PRKCB: variants seen among roughly 807,000 people sequenced by gnomAD.
PRKCB encodes protein kinase C beta.
A neutral mutation model predicts 81.5 loss-of-function variants in PRKCB; 13 were observed. The observed-to-expected ratio is 0.16, with a 90% CI of 0.10 to 0.25. The LOEUF is 0.25. PRKCB is among the 10% of genes least tolerant of loss of function. PRKCB has a pLI of 1.00. For missense variants in PRKCB, 509 were observed against 875.7 expected (o/e 0.58, Z 5.29); for synonymous variants, 335 against 321.4 (o/e 1.04, Z -0.45).
intron 7 of PRKCB, among the ~76,000 whole-genome samples, chr16:24,100,491 A>G (rs74778980): frequency 0.027 from 4,071 of 152,246 alleles, 187 homozygotes; most frequent in African/African-American, 0.091. Flanking sequence ...CAGGGAGGCC[A>G]GGAACCTGCC....
Position 23,982,747 on chromosome 16 carries a change from C to A in PRKCB, c.206-5761C>A, listed in dbSNP as rs912008825. Among the ~76,000 whole-genome samples the A allele has an allele frequency of 3.9e-5, 6 of 152,124 alleles. No individual in the cohort carries two copies. In the South Asian group the frequency reaches 8.3e-4, roughly 21 times the overall value. On this transcript the variant is annotated intron_variant, in intron 2 of 16. Transcript: ENST00000643927. ...CTCAGCTGCAGGTGGCCTTTCTGAT[C>A]TTGCCTGTAATAAGGGAGGGTGGGA...
At chr16:24,142,440 A>G (rs1966914707) in intron 9 of PRKCB, among the ~76,000 whole-genome samples, 1 of 152,106 alleles carries the variant, frequency 6.6e-6, no homozygotes, top group South Asian at 2.1e-4. Context: ...GTGCCCCGGG[A>G]AGAGCAGGTG....
At chr16:24,192,587 T>G (rs566525445) in intron 16 of PRKCB, among the ~76,000 whole-genome samples, 3 of 152,270 alleles carry the variant, frequency 2.0e-5, no homozygotes, top group Admixed American at 6.5e-5. Context: ...CTCCCTTTCC[T>G]CTCTTGGCCA....
At chr16:23,861,680 AG>A (rs1962667489) in intron 2 of PRKCB, among the ~76,000 whole-genome samples, 2 of 152,198 alleles carry the variant, frequency 1.3e-5, no homozygotes. Flanking sequence ...GCAGGAAGGA[AG>A]GGGACATAGG....
intron 10 of PRKCB, among the ~76,000 whole-genome samples, chr16:24,161,968 G>A (rs1350235398): frequency 6.6e-6 from 1 of 152,102 alleles, no homozygotes; most frequent in East Asian, 1.9e-4. Context: ...GGCACAGGCA[G>A]TTAAGTTTCT....
At chr16:23,984,549 A>T (rs1381720884) in intron 2 of PRKCB, among the ~76,000 whole-genome samples, 1 of 152,218 alleles carries the variant, frequency 6.6e-6, no homozygotes, top group Admixed American at 6.5e-5. Flanking sequence ...ATATAATCAT[A>T]ATCTGCTTCT....
chr16:24,025,536 G>A (rs1053858845), intron 3 of PRKCB, among the ~76,000 whole-genome samples: 23 of 152,308 alleles, frequency 1.5e-4, no homozygotes, highest in Admixed American at 1.4e-3. Context: ...GTATAATGAT[G>A]AGCAAAATTT....
At chr16:23,896,700 C>A (rs912796732) in intron 2 of PRKCB, among the ~76,000 whole-genome samples, 5 of 152,122 alleles carry the variant, frequency 3.3e-5, no homozygotes, top group Non-Finnish European at 1.5e-5. Context: ...ATGCAAAGGG[C>A]TTGAAAGGGG....
chr16:24,115,882 C>T (rs1966732322), intron 8 of PRKCB, among the ~76,000 whole-genome samples: 1 of 152,040 alleles, frequency 6.6e-6, no homozygotes. Context: ...CCCACCACCA[C>T]GCCTGCCTAA....
At chr16:23,998,998 C>A (rs962699854) in intron 3 of PRKCB, among the ~76,000 whole-genome samples, 1 of 152,254 alleles carries the variant, frequency 6.6e-6, no homozygotes, top group Non-Finnish European at 1.5e-5. Context: ...TGAAATGATT[C>A]TATCTCTGGA....
rs9932899 is a variant in PRKCB at position 24,042,042 on chromosome 16, A to G, written c.529+6495A>G. ...AGGGCAATGTAAACAAGAAAAAAAA[A>G]TCCAGATAGCTTAATATTTATTTTT... On this transcript the variant is annotated intron_variant, in intron 5 of 16. Coordinates refer to ENST00000643927, the MANE Select transcript of PRKCB (RefSeq NM_002738.7). Among the ~76,000 whole-genome samples, 1,195 of 152,090 alleles carry G rather than the reference A, an allele frequency of 7.9e-3. 14 individuals carry two copies. Among genetic ancestry groups the G allele is most frequent in the African/African-American group, 0.027 (1,140 of 41,468 alleles).
At position 24,214,762 on chromosome 16, in the gene PRKCB, C is replaced by T. The variant is rs143953612; in HGVS notation, c.1968C>T (p.Phe656=). The change falls in exon 17 of 17, where the codon TTC becomes TTT. Residue 656 remains phenylalanine (F), a synonymous_variant. Coordinates refer to ENST00000643927, the MANE Select transcript of PRKCB (RefSeq NM_002738.7). ...TCAGGAATATTGACCAATCAGAATTCGAAGGATTTTCCTTTGTTAACTCTG... is the reference window on the plus strand; with the variant it reads ...TCAGGAATATTGACCAATCAGAATTTGAAGGATTTTCCTTTGTTAACTCTG... ...EVIRNIDQSE[F]EGFSFVNSEF... 29 of 1,613,950 alleles carry T rather than the reference C, an allele frequency of 1.8e-5. No individual in the cohort carries two copies. In the African/African-American group the frequency reaches 2.8e-4, roughly 16 times the overall value.
Position 23,882,021 on chromosome 16 carries a change from T to TCTTTCTTTCTTTCTTCCTTC in PRKCB, c.205+44618_205+44619insTCTTTCTTTCTTCCTTCCTT. On this transcript the variant is annotated intron_variant, in intron 2 of 16. Transcript: ENST00000643927. ...TTCTTTCTTTCTTTCTTTCTTTCTT[T>TCTTTCTTTCTTTCTTCCTTC]CTTCCTTCCTTCCTTCCTTCCTTCC... Among the ~76,000 whole-genome samples, 287 of 55,640 alleles carry TCTTTCTTTCTTTCTTCCTTC rather than the reference T, an allele frequency of 5.2e-3. 11 individuals are homozygous for TCTTTCTTTCTTTCTTCCTTC. The highest frequency in any genetic ancestry group is 0.016 in the African/African-American group (267 of 16,914). 36.5% of individuals were successfully genotyped at this position (55,640 alleles called of 152,430 possible).
chr16:23,841,649 C>CT lies in PRKCB; in HGVS notation c.205+4267dup, dbSNP rs59288831. 5.2e-3 allele frequency among the ~76,000 whole-genome samples: 307 copies of CT among 59,020 alleles called. 18 individuals carry two copies. Among genetic ancestry groups the CT allele is most frequent in the African/African-American group, 0.017 (234 of 13,652 alleles). 38.7% of individuals were successfully genotyped at this position (59,020 alleles called of 152,430 possible). On this transcript the variant is annotated intron_variant, in intron 2 of 16. Transcript: ENST00000643927. Reference sequence around the variant, plus strand: ...ACTGCAGGTGTGTGTCACCACGGCCCTTTTTTTTTTTTTTTTTTTTTTTTG... The same window carrying CT: ...ACTGCAGGTGTGTGTCACCACGGCCCTTTTTTTTTTTTTTTTTTTTTTTTTG...
rs1174727739 is a variant in PRKCB at position 23,935,717 on chromosome 16, TC to T, written c.206-52789del. Among the ~76,000 whole-genome samples the T allele has an allele frequency of 9.8e-5, 15 of 152,290 alleles. No homozygotes were observed. The South Asian group carries it at 2.9e-3, about 29-fold the overall frequency. On this transcript the variant is annotated intron_variant, in intron 2 of 16. Transcript: ENST00000643927. ...AGTCATAAAAGAGAATGAAATCATA[TC>T]CTTTGCAGCAACATGGATGGAGCTG... is the stretch of plus-strand genomic sequence containing the variant.
At chr16:23,934,287 C>T (rs992128731) in intron 2 of PRKCB, among the ~76,000 whole-genome samples, 11 of 149,604 alleles carry the variant, frequency 7.4e-5, no homozygotes, top group South Asian at 2.1e-4. Context: ...TTCTAAGAAA[C>T]GTTGATTTTT....
intron 2 of PRKCB, among the ~76,000 whole-genome samples, chr16:23,874,408 A>G (rs1962960847): frequency 6.6e-6 from 1 of 152,204 alleles, no homozygotes; most frequent in African/African-American, 2.4e-5. Flanking sequence ...TACAGGGGCC[A>G]GGCAACTGTC....
chr16:24,029,373 C>G (rs1965522454), intron 3 of PRKCB, among the ~76,000 whole-genome samples: 1 of 152,198 alleles, frequency 6.6e-6, no homozygotes, highest in Admixed American at 6.5e-5. Context: ...TGAGTTCTCA[C>G]ACGATCTGAT....
chr16:24,176,049 G>A (rs1268731157), intron 12 of PRKCB, among the ~76,000 whole-genome samples: 1 of 151,794 alleles, frequency 6.6e-6, no homozygotes, highest in Non-Finnish European at 1.5e-5. Context: ...GCCAGGCTAT[G>A]GGATGCTGGT....
Sources: gnomAD v4.1 joint callset for allele counts (sites outside exome capture counted in the v4.1 genomes callset) on GRCh38, gnomAD v4.1.1 for gene constraint, MANE v1.5 for transcripts, NCBI Gene and HGNC (gene_info 2026-07-23, HGNC 2026-07-21) for gene names.